DLG2: variants seen among roughly 807,000 people sequenced by gnomAD.
The protein encoded by DLG2 is discs large MAGUK scaffold protein 2.
Under a neutral mutation model 132.5 loss-of-function variants are expected in DLG2, and 45 were observed. The ratio of observed to expected loss-of-function variants is 0.34; its 90% CI spans 0.27 to 0.44. The LOEUF (loss-of-function observed/expected upper bound fraction) is 0.44. Among genes scored for constraint, DLG2 ranks in the 20% least tolerant of loss-of-function variants. The pLI, the probability that DLG2 is intolerant of heterozygous loss-of-function variation, is 1.00. For missense variants in DLG2, 1,045 were observed against 1,196.9 expected, an observed-to-expected ratio of 0.87 and a Z score of 1.87; for synonymous variants, 424 against 419.6, an observed-to-expected ratio of 1.01 and a Z score of -0.13.
chr11:85,524,449 G>C (rs991684926), intron 3 of DLG2, among the ~76,000 whole-genome samples: 1 of 151,882 alleles, frequency 6.6e-6, no homozygotes, highest in Non-Finnish European at 1.5e-5. Flanking sequence ...ATTTTAAACA[G>C]TATATTGAGT....
chr11:84,623,353 C>G (rs948711710), intron 6 of DLG2, among the ~76,000 whole-genome samples: 5 of 152,132 alleles, frequency 3.3e-5, no homozygotes, highest in African/African-American at 4.8e-5. Flanking sequence ...TCATTAAACT[C>G]CACTCAAGGA....
intron 27 of DLG2, 83 bp from the exon 28 acceptor site, chr11:83,460,007 C>T: frequency 1.4e-6 from 1 of 703,920 alleles, no homozygotes; most frequent in Non-Finnish European, 2.4e-6. Flanking sequence ...ATTGGAGGCT[C>T]AAATCAGTAG....
At chr11:84,680,185 T>C (rs759877622) in intron 6 of DLG2, among the ~76,000 whole-genome samples, 1 of 152,136 alleles carries the variant, frequency 6.6e-6, no homozygotes, top group Non-Finnish European at 1.5e-5. Flanking sequence ...TTCCTCCTCC[T>C]CAACAGACTT....
intron 7 of DLG2, among the ~76,000 whole-genome samples, chr11:84,416,195 C>T (rs1173106069): frequency 1.4e-5 from 2 of 145,352 alleles, no homozygotes; most frequent in African/African-American, 5.7e-5. Flanking sequence ...TTCACAAGAT[C>T]TGTCAAAAAT....
At chr11:83,987,191 G>T (rs6592153) in intron 11 of DLG2, among the ~76,000 whole-genome samples, 1 of 151,942 alleles carries the variant, frequency 6.6e-6, no homozygotes, top group African/African-American at 2.4e-5. Context: ...TCAATGAAAT[G>T]AAAGAGGATA....
intron 6 of DLG2, among the ~76,000 whole-genome samples, chr11:85,083,881 G>A (rs909079897): frequency 1.3e-5 from 2 of 152,078 alleles, no homozygotes; most frequent in East Asian, 1.9e-4. Flanking sequence ...GTATAATGGG[G>A]CATGTTGACC....
At chr11:83,930,624 T>C in intron 14 of DLG2, 141 bp from the exon 15 acceptor site, 1 of 849,260 alleles carries the variant, frequency 1.2e-6, no homozygotes, top group Non-Finnish European at 1.8e-6. Flanking sequence ...AACCCAATTT[T>C]CCACTTGTAA....
At chr11:84,196,062 GA>G (rs1254200600) in intron 8 of DLG2, among the ~76,000 whole-genome samples, 2 of 152,120 alleles carry the variant, frequency 1.3e-5, no homozygotes, top group African/African-American at 4.8e-5. Flanking sequence ...TTAAATCAAT[GA>G]AATCAGGGAA....
At chr11:83,600,268 T>TGTGTGA (rs2058328143) in intron 19 of DLG2, among the ~76,000 whole-genome samples, 1 of 151,666 alleles carries the variant, frequency 6.6e-6, no homozygotes. Context: ...TGTGTGTGTG[T>TGTGTGA]ATGACATTCA....
intron 18 of DLG2, among the ~76,000 whole-genome samples, chr11:83,759,928 C>T (rs115422870): frequency 0.011 from 1,672 of 152,270 alleles, 31 homozygotes; most frequent in African/African-American, 0.038. Context: ...ACATTCAAAA[C>T]GGAATCTTGA....
intron 4 of DLG2, among the ~76,000 whole-genome samples, chr11:85,211,114 A>T (rs773863121): frequency 3.9e-5 from 6 of 152,148 alleles, no homozygotes; most frequent in Non-Finnish European, 7.3e-5. Context: ...CTGTTTTATT[A>T]ACTACTAGAT....
intron 3 of DLG2, among the ~76,000 whole-genome samples, chr11:85,333,809 G>T (rs1019794129): frequency 6.6e-6 from 1 of 152,040 alleles, no homozygotes; most frequent in African/African-American, 2.4e-5. Flanking sequence ...GAATTTTGAT[G>T]TGCTGCTGGA....
intron 7 of DLG2, among the ~76,000 whole-genome samples, chr11:84,287,500 C>T (rs2097921452): frequency 6.6e-6 from 1 of 152,080 alleles, no homozygotes; most frequent in Admixed American, 6.6e-5. Flanking sequence ...CTTGTCTTAA[C>T]ACTTTTAGGA....
intron 18 of DLG2, among the ~76,000 whole-genome samples, chr11:83,678,376 C>G (rs1192320260): frequency 6.6e-6 from 1 of 152,164 alleles, no homozygotes; most frequent in Non-Finnish European, 1.5e-5. Flanking sequence ...GGACCCAGAA[C>G]AAGAACATAA....
chr11:84,154,340 C>A (rs1289300637), intron 9 of DLG2, among the ~76,000 whole-genome samples: 2 of 152,136 alleles, frequency 1.3e-5, no homozygotes, highest in Non-Finnish European at 2.9e-5. Flanking sequence ...CTTATTCTAA[C>A]AATTGAAATC....
intron 3 of DLG2, among the ~76,000 whole-genome samples, chr11:85,348,899 T>G (rs1400568265): frequency 6.6e-6 from 1 of 152,186 alleles, no homozygotes; most frequent in Non-Finnish European, 1.5e-5. Flanking sequence ...CTGACAGTAT[T>G]CTTTCTAACA....
intron 21 of DLG2, among the ~76,000 whole-genome samples, chr11:83,526,769 T>C (rs2140847407): frequency 6.6e-6 from 1 of 152,290 alleles, no homozygotes; most frequent in Admixed American, 6.5e-5. Context: ...ATGTTTTATT[T>C]CATACTTATT....
chr11:85,534,875 G>T (rs1224212754), intron 3 of DLG2, among the ~76,000 whole-genome samples: 1 of 152,132 alleles, frequency 6.6e-6, no homozygotes, highest in East Asian at 1.9e-4. Flanking sequence ...TTGCTGCGTT[G>T]GATGGCGATT....
chr11:83,800,865 CA>C (rs2044183529), intron 17 of DLG2, among the ~76,000 whole-genome samples: 1 of 151,968 alleles, frequency 6.6e-6, no homozygotes, highest in Non-Finnish European at 1.5e-5. Flanking sequence ...AATATATAAG[CA>C]AAAAATAGTT....
Sources: gnomAD v4.1 joint callset for allele counts (sites outside exome capture counted in the v4.1 genomes callset) on GRCh38, gnomAD v4.1.1 for gene constraint, MANE v1.5 for transcripts, NCBI Gene and HGNC (gene_info 2026-07-23, HGNC 2026-07-21) for gene names.